MLIP: variants seen among roughly 807,000 people sequenced by gnomAD.
MLIP encodes the protein muscular LMNA interacting protein, also known as muscular LMNA-interacting protein.
Under a neutral mutation model 84.8 loss-of-function variants are expected in MLIP, and 79 were observed. The observed-to-expected ratio is 0.93, with a 90% CI of 0.78 to 1.12. The LOEUF (loss-of-function observed/expected upper bound fraction) is 1.12. Ranked by LOEUF, MLIP falls within the 50% of genes most tolerant of loss-of-function variation. The pLI, the probability that MLIP is intolerant of heterozygous loss-of-function variation, is 0.00. For synonymous variants in MLIP, 504 were observed against 463.0 expected (o/e 1.09, Z -1.14); for missense variants, 1,257 against 1,160.6 (o/e 1.08, Z -1.21).
intron 9 of MLIP, among the ~76,000 whole-genome samples, chr6:54,170,834 C>T (rs1427598378): frequency 1.3e-5 from 2 of 151,486 alleles, no homozygotes; most frequent in East Asian, 1.9e-4. Context: ...CCTTTCTTCT[C>T]TTCCTCTTAT....
Position 54,230,759 on chromosome 6 carries a change from C to G in MLIP, c.2764C>G (p.Gln922Glu). 6.2e-7 allele frequency: 1 copy of G among 1,614,124 alleles called. No individual in the cohort carries two copies. Among genetic ancestry groups the G allele is most frequent in the Non-Finnish European group, 8.5e-7 (1 of 1,179,992 alleles). ...GCCTGTCTCGCTCCATCCTTTATAT[C>G]AGACTAAACTCTATCCTCCTGCTAA... ...PKPVSLHPLY[Q>E]TKLYPPAKSL... The change falls in exon 12 of 14, where the codon CAG becomes GAG. Residue 922 changes from glutamine to glutamate, a missense_variant. Physicochemically the swap from Gln to Glu is conservative, Grantham distance 29 (BLOSUM62 2). Coordinates refer to ENST00000502396, the MANE Select transcript of MLIP (RefSeq NM_001281747.2).
chr6:54,256,357 G>A (rs1783005007), intron 12 of MLIP, among the ~76,000 whole-genome samples: 1 of 152,104 alleles, frequency 6.6e-6, no homozygotes, highest in Admixed American at 6.6e-5. Flanking sequence ...TGCTCTGGGG[G>A]TTTAAGAGCT....
intron 3 of MLIP, among the ~76,000 whole-genome samples, chr6:54,132,774 C>T (rs1024896449): frequency 7.9e-5 from 12 of 152,268 alleles, no homozygotes; most frequent in Non-Finnish European, 1.2e-4. Context: ...TCAGCCAGCC[C>T]ATATGTGAAT....
intron 10 of MLIP, among the ~76,000 whole-genome samples, chr6:54,192,910 C>A (rs1272659729): frequency 6.6e-6 from 1 of 152,116 alleles, no homozygotes; most frequent in Admixed American, 6.5e-5. Context: ...TGACAAAGTG[C>A]TATGGTACCA....
rs1167031929 is a variant in MLIP, at chr6:54,169,399, T to G, written c.2500-129T>G. 2.2e-5 allele frequency: 10 copies of G among 447,308 alleles called. No individual in the cohort carries two copies. In the South Asian group the frequency reaches 2.6e-4, roughly 12 times the overall value. The allele number at this position is 447,308 out of a possible 1,614,324, so 27.7% of individuals were successfully genotyped here. ...TTTTATAAAATAATTTTCTAAAAAA[T>G]GATATTGTATAGAGAGAGCAATGTT... On this transcript the variant is annotated intron_variant, in intron 8 of 13. Coordinates refer to ENST00000502396, the MANE Select transcript of MLIP (RefSeq NM_001281747.2).
At chr6:54,026,062 G>GCTGGA (rs1005712520) in intron 1 of MLIP, among the ~76,000 whole-genome samples, 38 of 152,306 alleles carry the variant, frequency 2.5e-4, no homozygotes, top group African/African-American at 8.9e-4. Flanking sequence ...GCATCCGTCA[G>GCTGGA]CTGGAAGGCA....
At chr6:54,178,831 G>A (rs1230286004) in intron 9 of MLIP, among the ~76,000 whole-genome samples, 1 of 152,160 alleles carries the variant, frequency 6.6e-6, no homozygotes, top group Non-Finnish European at 1.5e-5. Context: ...CCTTGAGAAT[G>A]ATCCATGTGC....
exon 1 of MLIP, chr6:54,019,055 A>C (rs1763354281): frequency 1.2e-6 from 2 of 1,611,678 alleles, no homozygotes; most frequent in Non-Finnish European, 1.7e-6. Flanking sequence ...GTGAAAAAAG[A>C]AGCTTATTAA....
At chr6:54,221,183 T>C (rs540834003) in intron 11 of MLIP, among the ~76,000 whole-genome samples, 40 of 152,282 alleles carry the variant, frequency 2.6e-4, no homozygotes, top group Middle Eastern at 3.4e-3. Context: ...TAGCTGATGA[T>C]AGTCTTCATT....
intron 8 of MLIP, among the ~76,000 whole-genome samples, chr6:54,169,124 GT>G (rs898503368): frequency 2.6e-5 from 4 of 151,528 alleles, no homozygotes; most frequent in Admixed American, 2.0e-4. Context: ...TGTTTTACTG[GT>G]GAAGGTAAAG....
chr6:54,127,072 T>C (rs148612056), intron 3 of MLIP, among the ~76,000 whole-genome samples: 38 of 152,290 alleles, frequency 2.5e-4, no homozygotes, highest in African/African-American at 8.4e-4. Context: ...AAATGCTTCC[T>C]TCTTTCCCTA....
Position 54,259,093 on chromosome 6 carries a change from T to G in MLIP, c.2976+1732T>G, listed in dbSNP as rs1361393816. 2.6e-5 allele frequency among the ~76,000 whole-genome samples: 4 copies of G among 151,938 alleles called. No homozygotes were observed. In the East Asian group the frequency reaches 7.7e-4, roughly 29 times the overall value. ...TAATTTGCATGTTAAAATTCTGTAT[T>G]TCTTCTGTTATTTTTGTCTTTTTAA... On this transcript the variant is annotated intron_variant, in intron 13 of 13. Transcript: ENST00000502396.
Position 54,266,220 on chromosome 6 carries a change from G to A in MLIP, c.*265G>A, listed in dbSNP as rs1307044174. The A allele has an allele frequency of 1.0e-5, 4 of 400,796 alleles. No individual in the cohort carries two copies. The highest frequency in any genetic ancestry group is 1.3e-4 in the South Asian group (2 of 15,082). The allele number at this position is 400,796 out of a possible 1,614,324, so 24.8% of individuals were successfully genotyped here. ...CCTTCTACTTAATATTAAGCTGACC[G>A]CAATACTAACGTGCCCCTATATTTG... On this transcript the variant is annotated 3_prime_UTR_variant, in exon 14 of 14. Coordinates refer to ENST00000502396, the MANE Select transcript of MLIP (RefSeq NM_001281747.2).
chr6:54,233,030 C>T (rs1034314954), intron 12 of MLIP, among the ~76,000 whole-genome samples: 4 of 152,206 alleles, frequency 2.6e-5, no homozygotes, highest in Admixed American at 6.5e-5. Context: ...TACTTTTTTA[C>T]TTTCAAGAGG....
intron 11 of MLIP, among the ~76,000 whole-genome samples, chr6:54,213,864 C>T (rs1779666537): frequency 1.3e-5 from 2 of 151,904 alleles, no homozygotes; most frequent in African/African-American, 2.4e-5. Context: ...TGTTTGTATG[C>T]ATTGTATCTC....
intron 9 of MLIP, among the ~76,000 whole-genome samples, chr6:54,177,617 A>G (rs1776423237): frequency 6.6e-6 from 1 of 152,138 alleles, no homozygotes; most frequent in African/African-American, 2.4e-5. Context: ...TACTTCAACC[A>G]TTGTGGAAGA....
chr6:54,200,723 C>G (rs972352667), intron 10 of MLIP, among the ~76,000 whole-genome samples: 3 of 150,556 alleles, frequency 2.0e-5, no homozygotes, highest in Non-Finnish European at 4.4e-5. Flanking sequence ...TCATTTTTCC[C>G]CTTGAGAAAA....
chr6:54,155,232 T>C (rs1470372680), intron 5 of MLIP, among the ~76,000 whole-genome samples: 1 of 152,140 alleles, frequency 6.6e-6, no homozygotes, highest in African/African-American at 2.4e-5. Context: ...GTGGTGTATG[T>C]TATTCAGACC....
At chr6:54,260,344 T>C (rs1562119224) in intron 13 of MLIP, among the ~76,000 whole-genome samples, 2 of 151,974 alleles carry the variant, frequency 1.3e-5, no homozygotes, top group Non-Finnish European at 2.9e-5. Flanking sequence ...ATTAGAATCA[T>C]CTGTAATTGA....
Sources: gnomAD v4.1 joint callset for allele counts (sites outside exome capture counted in the v4.1 genomes callset) on GRCh38, gnomAD v4.1.1 for gene constraint, MANE v1.5 for transcripts, NCBI Gene and HGNC (gene_info 2026-07-23, HGNC 2026-07-21) for gene names.